PTPRZ1: variants seen among roughly 807,000 people sequenced by gnomAD.
The protein encoded by PTPRZ1 is protein tyrosine phosphatase receptor type Z1, also known as receptor-type tyrosine-protein phosphatase zeta.
A neutral mutation model predicts 214.1 loss-of-function variants in PTPRZ1; 82 were observed. That is an observed-to-expected ratio of 0.38 (90% CI 0.32 to 0.46). The LOEUF (loss-of-function observed/expected upper bound fraction) is 0.46. Among genes scored for constraint, PTPRZ1 ranks in the 20% least tolerant of loss-of-function variants. The pLI is 1.00. For missense variants in PTPRZ1, 2,603 were observed against 2,748.7 expected (o/e 0.95, Z 1.19); for synonymous variants, 945 against 987.9 (o/e 0.96, Z 0.81).
chr7:122,061,004 A>C, intron 29 of PTPRZ1, 76 bp from the exon 30 acceptor site: 1 of 1,428,596 alleles, frequency 7.0e-7, no homozygotes, highest in Non-Finnish European at 9.5e-7. Context: ...AGTGTGTCTA[A>C]AAATATTTCT....
intron 23 of PTPRZ1, among the ~76,000 whole-genome samples, chr7:122,050,051 ATC>A (rs1792121896): frequency 6.6e-6 from 1 of 152,178 alleles, no homozygotes; most frequent in African/African-American, 2.4e-5. Flanking sequence ...GTAACATTGT[ATC>A]TCTACCACTC....
intron 13 of PTPRZ1, among the ~76,000 whole-genome samples, chr7:122,027,461 G>T (rs1359324523): frequency 6.6e-6 from 1 of 152,178 alleles, no homozygotes; most frequent in Non-Finnish European, 1.5e-5. Flanking sequence ...AAAAAATAAA[G>T]ATTTAGGTGT....
intron 1 of PTPRZ1, among the ~76,000 whole-genome samples, chr7:121,891,481 T>TTTTTA (rs869127605): frequency 1.6e-5 from 2 of 126,696 alleles, no homozygotes; most frequent in Admixed American, 1.7e-4. Flanking sequence ...TTTTTTTTTT[T>TTTTTA]AGTTTGATTT....
At chr7:121,936,810 CTT>C (rs1563026228) in intron 2 of PTPRZ1, among the ~76,000 whole-genome samples, 1 of 152,228 alleles carries the variant, frequency 6.6e-6, no homozygotes, top group African/African-American at 2.4e-5. Context: ...GCTGTATCCT[CTT>C]TTGTCTTCAA....
chr7:122,051,623 T>A (rs1286248189), intron 24 of PTPRZ1, 102 bp downstream of exon 24: 1 of 984,046 alleles, frequency 1.0e-6, no homozygotes, highest in African/African-American at 1.6e-5. Flanking sequence ...ATGGAGCACA[T>A]TCAAATATTT....
At position 121,873,491 on chromosome 7, in the gene PTPRZ1, C is replaced by T. The variant is rs1215043770; in HGVS notation, c.-9C>T. The T allele has an allele frequency of 9.9e-6, 16 of 1,613,820 alleles. No individual in the cohort carries two copies. The highest frequency in any genetic ancestry group is 2.2e-5 in the South Asian group (2 of 91,052). Reference sequence around the variant, plus strand: ...AGCCGCACGGCGAGGGGCCGCAGACCGTCTGGAAATGCGAATCCTAAAGCG... The same window carrying T: ...AGCCGCACGGCGAGGGGCCGCAGACTGTCTGGAAATGCGAATCCTAAAGCG... On this transcript the variant is annotated 5_prime_UTR_variant, in exon 1 of 30. Coordinates refer to ENST00000393386, the MANE Select transcript of PTPRZ1 (RefSeq NM_002851.3).
chr7:121,940,773 T>C (rs1796216431), intron 2 of PTPRZ1, among the ~76,000 whole-genome samples: 1 of 151,556 alleles, frequency 6.6e-6, no homozygotes, highest in Non-Finnish European at 1.5e-5. Flanking sequence ...AGTACAGATA[T>C]AATTATATGA....
At chr7:121,873,742 C>T (rs1235101665) in intron 1 of PTPRZ1, among the ~76,000 whole-genome samples, 185 bp downstream of exon 1, 1 of 152,094 alleles carries the variant, frequency 6.6e-6, no homozygotes. Context: ...GATTTGCGCG[C>T]CCCCTCCCCG....
Position 122,061,396 on chromosome 7 carries a change from G to T in PTPRZ1, c.*176G>T, listed in dbSNP as rs1404143230. 5 of 437,626 alleles carry T rather than the reference G, an allele frequency of 1.1e-5. No individual in the cohort carries two copies. The highest frequency in any genetic ancestry group is 1.1e-5 in the Non-Finnish European group (3 of 265,258). The allele number at this position is 437,626 out of a possible 1,614,324, so 27.1% of individuals were successfully genotyped here. ...ATTAACAATGTGTGCCTTTTTGCAA[G>T]ACTTGTAATTTACTTATTATGTTTG... On this transcript the variant is annotated 3_prime_UTR_variant, in exon 30 of 30. Coordinates refer to ENST00000393386, the MANE Select transcript of PTPRZ1 (RefSeq NM_002851.3).
intron 1 of PTPRZ1, among the ~76,000 whole-genome samples, chr7:121,919,397 G>A: frequency 6.6e-6 from 1 of 151,880 alleles, no homozygotes; most frequent in Admixed American, 6.6e-5. Flanking sequence ...GGAATATATT[G>A]TAATATTTGT....
chr7:122,050,521 A>G (rs1792145802), intron 23 of PTPRZ1, among the ~76,000 whole-genome samples: 1 of 151,934 alleles, frequency 6.6e-6, no homozygotes, highest in Non-Finnish European at 1.5e-5. Context: ...TTTCTTAATA[A>G]CTTCAGGATA....
intron 1 of PTPRZ1, among the ~76,000 whole-genome samples, chr7:121,905,787 G>A (rs1361469986): frequency 3.3e-5 from 5 of 152,060 alleles, no homozygotes; most frequent in Non-Finnish European, 2.9e-5. Context: ...TGGTTGGGCC[G>A]CAAGTAAATC....
chr7:122,004,620 A>T lies in PTPRZ1; in HGVS notation c.1247A>T (p.Asp416Val). ...TTTGTTTTTAATTTTGTAGAACTTG[A>T]TCTTTTCCCTGAATTAATTGGAACT... ...VDMPTDNPELDLFPELIGTEE... is the reference protein window; with the variant it reads ...VDMPTDNPELVLFPELIGTEE... The change falls in exon 11 of 30, where the codon GAT becomes GTT. Residue 416 changes from aspartate to valine, a missense_variant. Around this residue, in one of 6 missense-constraint regions of PTPRZ1, gnomAD observed 244 missense variants for 333.2 expected, o/e 0.73. Transcript: ENST00000393386. 3 of 1,362,140 alleles carry T rather than the reference A, an allele frequency of 2.2e-6. No homozygotes were observed. The highest frequency in any genetic ancestry group is 3.1e-6 in the Non-Finnish European group (3 of 980,292). 84.4% of individuals were successfully genotyped at this position (1,362,140 alleles called of 1,614,324 possible). A position where few individuals can be genotyped will look rare whatever the true frequency, so the allele number is the denominator to read the frequency against.
At chr7:121,925,327 G>A (rs1018965355) in intron 1 of PTPRZ1, among the ~76,000 whole-genome samples, 2 of 152,090 alleles carry the variant, frequency 1.3e-5, no homozygotes, top group Non-Finnish European at 2.9e-5. Flanking sequence ...TAAATAACTA[G>A]CATTTTATGG....
At chr7:122,057,487 G>A (rs994936456) in intron 27 of PTPRZ1, among the ~76,000 whole-genome samples, 1 of 151,398 alleles carries the variant, frequency 6.6e-6, no homozygotes. Context: ...TTTGTACTGT[G>A]TCTGTTCATG....
intron 1 of PTPRZ1, among the ~76,000 whole-genome samples, chr7:121,896,433 G>A (rs1029351827): frequency 6.6e-6 from 1 of 152,188 alleles, no homozygotes; most frequent in Admixed American, 6.5e-5. Flanking sequence ...GCTGAGAGAT[G>A]GAAACAACCT....
At chr7:122,055,750 C>T (rs1275055907) in intron 27 of PTPRZ1, among the ~76,000 whole-genome samples, 1 of 151,764 alleles carries the variant, frequency 6.6e-6, no homozygotes, top group Admixed American at 6.6e-5. Flanking sequence ...TAGTAAAATA[C>T]TAAAAGATAC....
chr7:121,923,302 G>A (rs1044593732), intron 1 of PTPRZ1, among the ~76,000 whole-genome samples: 3 of 151,890 alleles, frequency 2.0e-5, no homozygotes, highest in Non-Finnish European at 4.4e-5. Flanking sequence ...TTATGTCCTC[G>A]GATATTCTTT....
intron 1 of PTPRZ1, among the ~76,000 whole-genome samples, chr7:121,909,771 C>T (rs1209377167): frequency 6.6e-6 from 1 of 151,900 alleles, no homozygotes; most frequent in Admixed American, 6.6e-5. Context: ...ATTTAGAAGT[C>T]AAAAATTACA....
Sources: gnomAD v4.1 joint callset for allele counts (sites outside exome capture counted in the v4.1 genomes callset) on GRCh38, gnomAD v4.1.1 for gene constraint, gnomAD v4.1.1 regional missense constraint, MANE v1.5 for transcripts, NCBI Gene and HGNC (gene_info 2026-07-23, HGNC 2026-07-21) for gene names.